ZFR: variants seen among roughly 807,000 people sequenced by gnomAD.
ZFR encodes zinc finger RNA binding protein.
ZFR carries 19 observed loss-of-function variants against 130.7 expected under a neutral mutation model. The ratio of observed to expected loss-of-function variants is 0.15; its 90% CI spans 0.10 to 0.21. The LOEUF is 0.21. ZFR is among the 10% of genes least tolerant of loss of function. The probability of loss-of-function intolerance (pLI) is 1.00; values close to 1 mark genes in which losing one functional copy is unlikely to be tolerated. For synonymous variants in ZFR, 466 were observed against 456.9 expected, an observed-to-expected ratio of 1.02 and a Z score of -0.25; for missense variants, 872 against 1,321.5, an observed-to-expected ratio of 0.66 and a Z score of 5.27.
chr5:32,444,090 C>T, intron 2 of ZFR, 139 bp downstream of exon 2: 1 of 764,950 alleles, frequency 1.3e-6, no homozygotes, highest in Non-Finnish European at 1.7e-6. Context: ...CGGGAGAGGC[C>T]GCCGGGCTGG....
chr5:32,426,927 A>G (rs1404489138), intron 2 of ZFR, among the ~76,000 whole-genome samples: 1 of 147,806 alleles, frequency 6.8e-6, no homozygotes, highest in African/African-American at 2.5e-5. Flanking sequence ...AAGCATCCTA[A>G]TTGAAAAAGA....
At chr5:32,432,215 G>A (rs926196590) in intron 2 of ZFR, among the ~76,000 whole-genome samples, 4 of 152,108 alleles carry the variant, frequency 2.6e-5, no homozygotes, top group Non-Finnish European at 5.9e-5. Context: ...AGGGTACAGT[G>A]AACTTTGATT....
At chr5:32,415,271 A>G in intron 4 of ZFR, 84 bp from the exon 5 acceptor site, 1 of 1,240,044 alleles carries the variant, frequency 8.1e-7, no homozygotes, top group Non-Finnish European at 1.2e-6. Context: ...GCTGGAAAGA[A>G]TAGGTACAAA....
At chr5:32,384,954 T>G (rs1753012716) in intron 15 of ZFR, among the ~76,000 whole-genome samples, 1 of 152,116 alleles carries the variant, frequency 6.6e-6, no homozygotes, top group Non-Finnish European at 1.5e-5. Flanking sequence ...ATGTTCTGCA[T>G]TTATGAAAGT....
At chr5:32,438,249 G>GA (rs72390030) in intron 2 of ZFR, among the ~76,000 whole-genome samples, 7 of 80,634 alleles carry the variant, frequency 8.7e-5, no homozygotes, top group East Asian at 3.6e-4. Context: ...GATTTTATCT[G>GA]AAAATTTTTT....
rs543761289 is a variant in ZFR at position 32,388,811 on chromosome 5, G to A, written c.2143-137C>T. 1.2e-4 allele frequency: 95 copies of A among 825,372 alleles called. No individual in the cohort carries two copies. In the South Asian group the frequency reaches 1.6e-3, roughly 14 times the overall value. 51.1% of individuals were successfully genotyped at this position (825,372 alleles called of 1,614,324 possible). On this transcript the variant is annotated intron_variant, in intron 12 of 19. Coordinates refer to ENST00000265069, the MANE Select transcript of ZFR (RefSeq NM_016107.5). ...TTCTTTTTTCCATTTCAGTAAAAAC[G>A]AAAATGCAAACTATGGAAAGTTATA... is the stretch of plus-strand genomic sequence containing the variant.
intron 13 of ZFR, among the ~76,000 whole-genome samples, 163 bp downstream of exon 13, chr5:32,388,306 A>G (rs1753082548): frequency 6.6e-6 from 1 of 152,204 alleles, no homozygotes; most frequent in African/African-American, 2.4e-5. Context: ...GTGTATTTCT[A>G]TTTTTGCAAG....
chr5:32,436,594 T>C (rs181875355), intron 2 of ZFR, among the ~76,000 whole-genome samples: 318 of 152,320 alleles, frequency 2.1e-3, no homozygotes, highest in African/African-American at 7.3e-3. Flanking sequence ...GATAGAGATA[T>C]AATATATGCC....
chr5:32,441,492 C>T lies in ZFR; in HGVS notation c.137+2737G>A, dbSNP rs144168001. On this transcript the variant is annotated intron_variant, in intron 2 of 19. Coordinates refer to ENST00000265069, the MANE Select transcript of ZFR (RefSeq NM_016107.5). The stretch of plus-strand genomic sequence containing the variant: ...ACAAAAAGTTGGCCCTCCATGAATA[C>T]TCTATTTTCTATCCAAATTTGATTG... 3.3e-5 allele frequency among the ~76,000 whole-genome samples: 5 copies of T among 150,788 alleles called. No homozygotes were observed. In the East Asian group the frequency reaches 7.8e-4, roughly 23 times the overall value.
At chr5:32,357,216 C>A (rs965355538) in intron 19 of ZFR, among the ~76,000 whole-genome samples, 2 of 151,960 alleles carry the variant, frequency 1.3e-5, no homozygotes, top group African/African-American at 4.8e-5. Flanking sequence ...GAACTCTGCT[C>A]ACCTGCTAGG....
At chr5:32,359,676 T>TG (rs1752387963) in intron 19 of ZFR, among the ~76,000 whole-genome samples, 1 of 152,118 alleles carries the variant, frequency 6.6e-6, no homozygotes, top group South Asian at 2.1e-4. Context: ...CTTGACCGGG[T>TG]GCGGTGGCTC....
intron 17 of ZFR, 109 bp downstream of exon 17, chr5:32,379,006 A>G (rs1314141044): frequency 1.3e-6 from 1 of 773,998 alleles, no homozygotes; most frequent in East Asian, 2.8e-5. Flanking sequence ...AAGAAAAACT[A>G]TATTTAGTAA....
At chr5:32,392,022 C>T (rs1469137882) in intron 11 of ZFR, among the ~76,000 whole-genome samples, 1 of 152,186 alleles carries the variant, frequency 6.6e-6, no homozygotes, top group Non-Finnish European at 1.5e-5. Context: ...CAGTGTGTCA[C>T]CGTGCCCAGC....
intron 6 of ZFR, among the ~76,000 whole-genome samples, chr5:32,406,267 TG>T (rs1047407411): frequency 2.0e-5 from 3 of 152,212 alleles, no homozygotes; most frequent in African/African-American, 7.2e-5. Flanking sequence ...ACACCTTCCT[TG>T]TTCCCGAAGT....
chr5:32,406,592 T>C, intron 6 of ZFR, 182 bp downstream of exon 6: 2 of 782,504 alleles, frequency 2.6e-6, no homozygotes, highest in Non-Finnish European at 3.5e-6. Flanking sequence ...ACAGTCACAA[T>C]CATCTTTACA....
Position 32,355,707 on chromosome 5 carries a change from C to T in ZFR, c.*53G>A. 1 of 1,451,788 alleles carries T rather than the reference C, an allele frequency of 6.9e-7. No homozygotes were observed. The highest frequency in any genetic ancestry group is 9.2e-7 in the Non-Finnish European group (1 of 1,086,384). 89.9% of individuals were successfully genotyped at this position (1,451,788 alleles called of 1,614,324 possible). On this transcript the variant is annotated 3_prime_UTR_variant, in exon 20 of 20. Transcript: ENST00000265069. ...TGTAGACATTATTATGAATGAAAAA[C>T]AGCCAACAAATGGGCATCTGTTTTT...
At chr5:32,386,401 T>C (rs779890875) in intron 14 of ZFR, among the ~76,000 whole-genome samples, 1 of 152,168 alleles carries the variant, frequency 6.6e-6, no homozygotes, top group Admixed American at 6.5e-5. Context: ...TCCACTTATA[T>C]AGGTGGGTTT....
chr5:32,384,249 G>T (rs1752989421), intron 15 of ZFR, among the ~76,000 whole-genome samples: 1 of 142,992 alleles, frequency 7.0e-6, no homozygotes, highest in African/African-American at 2.8e-5. Flanking sequence ...TGACCAGATT[G>T]ACTCAGGAAC....
chr5:32,405,833 C>T (rs576322026), intron 6 of ZFR, among the ~76,000 whole-genome samples: 1 of 152,290 alleles, frequency 6.6e-6, no homozygotes, highest in South Asian at 2.1e-4. Context: ...TTTTATATAT[C>T]TAGCCACATA....
Sources: allele counts gnomAD v4.1 joint callset (sites outside exome capture counted in the v4.1 genomes callset), GRCh38; gene constraint gnomAD v4.1.1; transcripts MANE v1.5; gene names NCBI Gene and HGNC (gene_info 2026-07-23, HGNC 2026-07-21).